The following KIAA2012 variants were observed in gnomAD, a reference collection of about 807,000 sequenced individuals.
The protein encoded by KIAA2012 is KIAA2012, also known as uncharacterized protein KIAA2012.
In KIAA2012, 125 loss-of-function variants were observed where a neutral mutation model predicts 150.6. That is an observed-to-expected ratio of 0.83 (90% confidence interval 0.72 to 0.96). The LOEUF is 0.96. Ranked by LOEUF, KIAA2012 falls within the 40% of genes least tolerant of loss-of-function variation. The probability of loss-of-function intolerance (pLI) is 0.00; values close to 1 mark genes in which losing one functional copy is unlikely to be tolerated. For missense variants in KIAA2012, 1,219 were observed against 1,354.9 expected, an observed-to-expected ratio of 0.90 and a Z score of 1.57; for synonymous variants, 462 against 504.7, an observed-to-expected ratio of 0.92 and a Z score of 1.13.
intron 13 of KIAA2012, among the ~76,000 whole-genome samples, chr2:202,141,821 T>C (rs1326348223): frequency 6.6e-6 from 1 of 152,062 alleles, no homozygotes; most frequent in Admixed American, 6.6e-5. Context: ...CCAAGGCCTC[T>C]CTGTGTAGAG....
intron 3 of KIAA2012, 27 bp from the exon 4 acceptor site, chr2:202,093,003 A>G: frequency 6.5e-7 from 1 of 1,534,636 alleles, no homozygotes; most frequent in Non-Finnish European, 8.8e-7. Context: ...CACTATTTCT[A>G]TCAATATCTC....
chr2:202,099,539 A>G, intron 5 of KIAA2012, 74 bp from the exon 6 acceptor site: 3 of 1,227,380 alleles, frequency 2.4e-6, no homozygotes, highest in Non-Finnish European at 3.3e-6. Context: ...CCTAGCCACA[A>G]GGGCTGTTAA....
chr2:202,158,783 T>A (rs1691589990), intron 14 of KIAA2012, among the ~76,000 whole-genome samples: 2 of 152,216 alleles, frequency 1.3e-5, no homozygotes, highest in Non-Finnish European at 2.9e-5. Context: ...GGATAGAGGT[T>A]TTTTTCAGGG....
rs916739585 is a variant in KIAA2012, at chr2:202,140,585, AC to A, written c.1908+2082del. On this transcript the variant is annotated intron_variant, in intron 13 of 23. Transcript: ENST00000498697. Reference sequence around the variant, plus strand: ...TGGGGGTGACTTCCTGGCCTCCTGCACCCCCGCTTACTTCTCGAGGCTAATG... The same window carrying A: ...TGGGGGTGACTTCCTGGCCTCCTGCACCCCGCTTACTTCTCGAGGCTAATG... Among the ~76,000 whole-genome samples the A allele has an allele frequency of 1.8e-3, 268 of 152,200 alleles. 1 individual carries two copies. Among genetic ancestry groups the A allele is most frequent in the African/African-American group, 6.2e-3 (257 of 41,532 alleles).
In KIAA2012 at chr2:202,091,328, G is replaced by A. The variant is rs1568533; in HGVS notation, c.529+399G>A. 4.8e-3 allele frequency among the ~76,000 whole-genome samples: 736 copies of A among 152,316 alleles called. 14 individuals are homozygous for A. Among genetic ancestry groups the A allele is most frequent in the Admixed American group, 0.042 (646 of 15,292 alleles). Reference sequence around the variant, plus strand: ...AGATCATTCAGTCAAAAGCAGAGCTGGGACCAGAAGTCAGATCCACCCTGC... The same window carrying A: ...AGATCATTCAGTCAAAAGCAGAGCTAGGACCAGAAGTCAGATCCACCCTGC... On this transcript the variant is annotated intron_variant, in intron 3 of 23. Coordinates refer to ENST00000498697, the MANE Select transcript of KIAA2012 (RefSeq NM_001277372.4).
At chr2:202,133,133 T>G (rs1390122634) in intron 12 of KIAA2012, among the ~76,000 whole-genome samples, 2 of 129,892 alleles carry the variant, frequency 1.5e-5, no homozygotes, top group Non-Finnish European at 3.3e-5. Flanking sequence ...TATATATATT[T>G]TTTTTTTTTC....
chr2:202,090,642 T>G, intron 2 of KIAA2012, 128 bp from the exon 3 acceptor site: 1 of 1,059,696 alleles, frequency 9.4e-7, no homozygotes, highest in Non-Finnish European at 1.3e-6. Context: ...GAGGCATCTG[T>G]TTTTGGTGCC....
intron 18 of KIAA2012, among the ~76,000 whole-genome samples, chr2:202,189,525 C>T (rs140626396): frequency 2.0e-5 from 3 of 152,100 alleles, no homozygotes; most frequent in East Asian, 1.9e-4. Context: ...CTCCTAACTT[C>T]GTGATCTGCC....
chr2:202,138,525 G>T lies in KIAA2012; in HGVS notation c.1908+17G>T. 6.5e-7 allele frequency: 1 copy of T among 1,532,056 alleles called. No individual in the cohort carries two copies. The highest frequency in any genetic ancestry group is 1.2e-5 in the South Asian group (1 of 83,382). 94.9% of individuals were successfully genotyped at this position (1,532,056 alleles called of 1,614,324 possible). A position where few individuals can be genotyped will look rare whatever the true frequency, so the allele number is the denominator to read the frequency against. Reference sequence around the variant, plus strand: ...GAGAAGCAGGTATAGTATTGACTCTGAATGAGGATGACACTAGGAGTCACA... The same window carrying T: ...GAGAAGCAGGTATAGTATTGACTCTTAATGAGGATGACACTAGGAGTCACA... On this transcript the variant is annotated intron_variant, in intron 13 of 23. Transcript: ENST00000498697.
At position 202,205,173 on chromosome 2, in the gene KIAA2012, C is replaced by T. The variant is rs1178569136; in HGVS notation, c.*196C>T. 1 of 152,108 alleles carries T rather than the reference C, an allele frequency of 6.6e-6. No homozygotes were observed. Among genetic ancestry groups the T allele is most frequent in the African/African-American group, 2.4e-5 (1 of 41,426 alleles). 9.4% of individuals were successfully genotyped at this position (152,108 alleles called of 1,614,324 possible). The stretch of plus-strand genomic sequence containing the variant: ...AACCATATCAGAGTGCAATGCATTT[C>T]GAAAAATCCAAAAAACTAAAAACAA... On this transcript the variant is annotated 3_prime_UTR_variant, in exon 24 of 24. Coordinates refer to ENST00000498697, the MANE Select transcript of KIAA2012 (RefSeq NM_001277372.4).
chr2:202,179,613 A>G (rs1445642432), intron 15 of KIAA2012: 3 of 663,938 alleles, frequency 4.5e-6, no homozygotes, highest in Non-Finnish European at 8.7e-6. Flanking sequence ...CCATTCCCAC[A>G]GCTCAGCTAG....
chr2:202,140,100 C>T (rs1448986927), intron 13 of KIAA2012, among the ~76,000 whole-genome samples: 1 of 152,048 alleles, frequency 6.6e-6, no homozygotes, highest in Non-Finnish European at 1.5e-5. Context: ...TGGTGGCGCA[C>T]ATCTGTAATC....
intron 22 of KIAA2012, among the ~76,000 whole-genome samples, chr2:202,199,249 T>C (rs1443877236): frequency 6.6e-6 from 1 of 152,166 alleles, no homozygotes; most frequent in African/African-American, 2.4e-5. Context: ...CCAGGTACTT[T>C]AACTTCTCTG....
At chr2:202,110,648 A>G (rs1043508104) in intron 10 of KIAA2012, among the ~76,000 whole-genome samples, 3 of 152,172 alleles carry the variant, frequency 2.0e-5, no homozygotes, top group Admixed American at 6.5e-5. Context: ...CAGGGCTGTG[A>G]GAAGCTCACA....
intron 4 of KIAA2012, among the ~76,000 whole-genome samples, 194 bp from the exon 5 acceptor site, chr2:202,097,240 CA>C (rs1481536990): frequency 3.3e-5 from 5 of 152,230 alleles, no homozygotes; most frequent in Admixed American, 3.3e-4. Flanking sequence ...ACTGCCAGTG[CA>C]GCTCTGTTTC....
intron 15 of KIAA2012, among the ~76,000 whole-genome samples, chr2:202,171,608 G>T (rs1042472994): frequency 5.3e-5 from 8 of 151,948 alleles, no homozygotes; most frequent in African/African-American, 1.7e-4. Context: ...CTCTGTGGTG[G>T]CTTGTGATGT....
At chr2:202,172,841 AG>A (rs1691921776) in intron 15 of KIAA2012, among the ~76,000 whole-genome samples, 1 of 152,180 alleles carries the variant, frequency 6.6e-6, no homozygotes, top group African/African-American at 2.4e-5. Context: ...CACCATGCAA[AG>A]GTCTGGGGCT....
At chr2:202,121,156 G>A (rs1413508927) in intron 11 of KIAA2012, among the ~76,000 whole-genome samples, 1 of 152,194 alleles carries the variant, frequency 6.6e-6, no homozygotes, top group Non-Finnish European at 1.5e-5. Context: ...AATTCCATAT[G>A]GGATGATGGA....
At chr2:202,090,649 T>C in intron 2 of KIAA2012, 121 bp from the exon 3 acceptor site, 1 of 1,167,700 alleles carries the variant, frequency 8.6e-7, no homozygotes, top group Non-Finnish European at 1.2e-6. Flanking sequence ...CTGTTTTTGG[T>C]GCCTTCTGGC....
Sources: gnomAD v4.1 joint callset for allele counts (sites outside exome capture counted in the v4.1 genomes callset) on GRCh38, gnomAD v4.1.1 for gene constraint, MANE v1.5 for transcripts, NCBI Gene and HGNC (gene_info 2026-07-23, HGNC 2026-07-21) for gene names.